Variants in LRTM1 observed in about 807,000 individuals in gnomAD.
LRTM1 encodes the protein leucine rich repeat transmembrane protein 1, also known as leucine-rich repeat and transmembrane domain-containing protein 1.
In LRTM1, 38 loss-of-function variants were observed where a neutral mutation model predicts 32.4. The observed-to-expected ratio is 1.17, with a 90% CI of 0.91 to 1.54. The LOEUF is 1.54. LRTM1 is among the 40% of genes most tolerant of loss of function. LRTM1 has a pLI of 0.00. For synonymous variants in LRTM1, 186 were observed against 169.9 expected (o/e 1.09, Z -0.74); for missense variants, 466 against 415.4 (o/e 1.12, Z -1.06).
At chr3:54,941,883 C>T (rs909678355) in intron 1 of LRTM1, among the ~76,000 whole-genome samples, 1 of 152,116 alleles carries the variant, frequency 6.6e-6, no homozygotes, top group Non-Finnish European at 1.5e-5. Flanking sequence ...GCACCTGTCT[C>T]GGCTGTAGTA....
At chr3:54,954,304 T>G (rs1368222077) in intron 1 of LRTM1, among the ~76,000 whole-genome samples, 1 of 152,188 alleles carries the variant, frequency 6.6e-6, no homozygotes, top group Admixed American at 6.5e-5. Flanking sequence ...GCACGAACAC[T>G]TCCCCACTGA....
intron 1 of LRTM1, among the ~76,000 whole-genome samples, chr3:54,965,924 G>C (rs1254640513): frequency 6.6e-6 from 1 of 152,150 alleles, no homozygotes; most frequent in Non-Finnish European, 1.5e-5. Flanking sequence ...CAGCCTGCTG[G>C]AGGGAGATCA....
chr3:54,947,679 A>G (rs1328096645), intron 1 of LRTM1, among the ~76,000 whole-genome samples: 1 of 152,172 alleles, frequency 6.6e-6, no homozygotes, highest in African/African-American at 2.4e-5. Context: ...CCCCATGAAA[A>G]TAAGAGGTCC....
chr3:54,965,884 G>A (rs1702137060), intron 1 of LRTM1, among the ~76,000 whole-genome samples: 1 of 152,148 alleles, frequency 6.6e-6, no homozygotes, highest in Admixed American at 6.5e-5. Flanking sequence ...AGCAGTTCTA[G>A]TTCAGGGCAT....
intron 1 of LRTM1, among the ~76,000 whole-genome samples, chr3:54,953,449 A>G (rs1701806876): frequency 6.6e-6 from 1 of 152,312 alleles, no homozygotes; most frequent in Admixed American, 6.5e-5. Context: ...CAGTACAGAT[A>G]GCACTGGGCC....
At chr3:54,943,100 G>T (rs1701517112) in intron 1 of LRTM1, among the ~76,000 whole-genome samples, 1 of 151,938 alleles carries the variant, frequency 6.6e-6, no homozygotes, top group Non-Finnish European at 1.5e-5. Context: ...TGCTAGGGAG[G>T]TTGAGGCAAG....
At chr3:54,929,237 G>T (rs1417873000), upstream of LRTM1, among the ~76,000 whole-genome samples, 2 of 152,126 alleles carry the variant, frequency 1.3e-5, no homozygotes, top group Non-Finnish European at 2.9e-5. Context: ...ACTTTACCAG[G>T]CTGTGCCCAG....
chr3:54,953,144 A>G (rs1701799264), intron 1 of LRTM1, among the ~76,000 whole-genome samples: 1 of 152,174 alleles, frequency 6.6e-6, no homozygotes, highest in South Asian at 2.1e-4. Context: ...TTTACTGAAT[A>G]TTTACTATGT....
intron 2 of LRTM1, among the ~76,000 whole-genome samples, chr3:54,921,116 A>G (rs940379623): frequency 2.0e-5 from 3 of 152,182 alleles, no homozygotes; most frequent in Non-Finnish European, 4.4e-5. Flanking sequence ...TTCTAGATTA[A>G]TGTAACTGAC....
chr3:54,926,887 G>A (rs72877911), intron 1 of LRTM1, among the ~76,000 whole-genome samples: 3 of 152,122 alleles, frequency 2.0e-5, no homozygotes. Flanking sequence ...TTCTCACAGG[G>A]CTCAGAGAGG....
At chr3:54,924,505 G>T in intron 2 of LRTM1, 114 bp downstream of exon 2, 3 of 849,166 alleles carry the variant, frequency 3.5e-6, no homozygotes, top group Non-Finnish European at 5.5e-6. Context: ...ATGTGTAAAA[G>T]CCCAAATCCA....
At chr3:54,933,909 C>T (rs1701268016) in intron 1 of LRTM1, among the ~76,000 whole-genome samples, 1 of 151,996 alleles carries the variant, frequency 6.6e-6, no homozygotes, top group Non-Finnish European at 1.5e-5. Context: ...GCTGGGATTA[C>T]AGGCACACAC....
At chr3:54,964,045 A>G (rs1195717928) in intron 1 of LRTM1, among the ~76,000 whole-genome samples, 1 of 152,152 alleles carries the variant, frequency 6.6e-6, no homozygotes, top group Non-Finnish European at 1.5e-5. Context: ...TTTCACATGA[A>G]AGGATTCTGG....
chr3:54,921,871 G>T (rs17320026), intron 2 of LRTM1, among the ~76,000 whole-genome samples: 11,390 of 150,936 alleles, frequency 0.075, 611 homozygotes, highest in Non-Finnish European at 0.12. Flanking sequence ...ATGTCGGTTA[G>T]CCTGCCCTAA....
intron 1 of LRTM1, among the ~76,000 whole-genome samples, chr3:54,937,197 A>G (rs62254559): frequency 0.022 from 3,386 of 152,278 alleles, 51 homozygotes; most frequent in Non-Finnish European, 0.035. Context: ...TTCTTTCTTG[A>G]TGAAAGAAGT....
chr3:54,922,552 A>G (rs1385545325), intron 2 of LRTM1, among the ~76,000 whole-genome samples: 1 of 152,148 alleles, frequency 6.6e-6, no homozygotes, highest in Non-Finnish European at 1.5e-5. Context: ...ATTTACTATT[A>G]CATTGTTGAG....
chr3:54,965,206 G>T (rs778063046), intron 1 of LRTM1, among the ~76,000 whole-genome samples: 37 of 151,288 alleles, frequency 2.4e-4, no homozygotes, highest in Non-Finnish European at 4.4e-4. Flanking sequence ...TTTACAAAAA[G>T]AGGCTGGATT....
At chr3:54,924,523 C>T (rs1404354311) in intron 2 of LRTM1, 96 bp downstream of exon 2, 4 of 1,040,812 alleles carry the variant, frequency 3.8e-6, no homozygotes, top group Admixed American at 2.1e-5. Context: ...CCACCCCTTA[C>T]ACACTCCTCC....
intron 2 of LRTM1, among the ~76,000 whole-genome samples, chr3:54,919,421 G>A (rs1348671822): frequency 6.6e-6 from 1 of 152,246 alleles, no homozygotes; most frequent in Non-Finnish European, 1.5e-5. Context: ...GTCTTGGAGT[G>A]ATCTGTGGAT....
Sources: gnomAD v4.1 joint callset for allele counts (sites outside exome capture counted in the v4.1 genomes callset) on GRCh38, gnomAD v4.1.1 for gene constraint, MANE v1.5 for transcripts, NCBI Gene and HGNC (gene_info 2026-07-23, HGNC 2026-07-21) for gene names.